Variants in DMD observed in about 807,000 individuals in gnomAD.
DMD encodes the protein dystrophin.
Under a neutral mutation model 330.1 loss-of-function variants are expected in DMD, and 63 were observed. That is an observed-to-expected ratio of 0.19 (90% CI 0.16 to 0.24). DMD has a LOEUF of 0.24. Ranked by LOEUF, DMD falls within the 10% of genes least tolerant of loss-of-function variation. The probability of loss-of-function intolerance (pLI) is 1.00; values close to 1 mark genes in which losing one functional copy is unlikely to be tolerated. For missense variants in DMD, 3,344 were observed against 2,684.1 expected (o/e 1.25, Z -5.43); for synonymous variants, 1,223 against 959.8 (o/e 1.27, Z -5.07).
intron 43 of DMD, among the ~76,000 whole-genome samples, chrX:32,262,470 G>A (rs915619651): frequency 9.0e-6 from 1 of 111,163 alleles, no homozygotes; most frequent in African/African-American, 3.3e-5. Context: ...TTATCAAATT[G>A]TACTATTTAA....
chrX:31,485,503 ATTT>A (rs1208196626), intron 57 of DMD, among the ~76,000 whole-genome samples: 2 of 111,526 alleles, frequency 1.8e-5, no homozygotes, highest in African/African-American at 6.5e-5. Flanking sequence ...GCCACTGATT[ATTT>A]TTTTCTGTCC....
intron 1 of DMD, among the ~76,000 whole-genome samples, chrX:33,076,727 G>A (rs2094847454): frequency 8.9e-6 from 1 of 111,980 alleles, no homozygotes; most frequent in South Asian, 3.7e-4. Flanking sequence ...GAAAATGAAA[G>A]CTTTACTAGG....
rs1466039093 is a variant in DMD at position 31,454,955 on chromosome X, T to C, written c.8938-10328A>G. Among the ~76,000 whole-genome samples the C allele has an allele frequency of 1.9e-4, 19 of 100,022 alleles. No individual in the cohort carries two copies. The East Asian group carries it at 2.7e-3, about 14-fold the overall frequency. The allele number at this position is 100,022 out of a possible 115,157, so 86.9% of individuals were successfully genotyped here. ...TTAAGTTAGTTTTTTCTTTTTCTTT[T>C]TTTTTTTTTTTTTTGCGAGATGGGA... On this transcript the variant is annotated intron_variant, in intron 59 of 78. Coordinates refer to ENST00000357033, the MANE Select transcript of DMD (RefSeq NM_004006.3).
chrX:33,328,127 T>A (rs1415572447), intron 1 of DMD, among the ~76,000 whole-genome samples: 1 of 111,771 alleles, frequency 8.9e-6, no homozygotes. Flanking sequence ...AGAAACTGAA[T>A]ATAATAATAA....
Position 32,706,078 on chromosome X carries a change from G to GA in DMD, c.650-6786dup, listed in dbSNP as rs746945092. ...AGGATGAGTTCATGTCCTTTGTAGG[G>GA]ACATGGATGAAGCTGGAAACCATCA... On this transcript the variant is annotated intron_variant, in intron 7 of 78. Transcript: ENST00000357033. Among the ~76,000 whole-genome samples the GA allele has an allele frequency of 9.6e-3, 1,033 of 107,880 alleles. 9 individuals carry two copies. Among genetic ancestry groups the GA allele is most frequent in the African/African-American group, 0.034 (995 of 29,518 alleles). 93.7% of individuals were successfully genotyped at this position (107,880 alleles called of 115,157 possible). A position where few individuals can be genotyped will look rare whatever the true frequency, so the allele number is the denominator to read the frequency against.
In DMD at chrX:31,178,475, G is replaced by T. The variant is rs186701700; in HGVS notation, c.10223+194C>A. On this transcript the variant is annotated intron_variant, in intron 70 of 78. Coordinates refer to ENST00000357033, the MANE Select transcript of DMD (RefSeq NM_004006.3). ...CCCTGTGAGATAAAGTTTAACTTTTGGAAAAAGAAATTGTCAAGTGACGTG... is the reference window on the plus strand; with the variant it reads ...CCCTGTGAGATAAAGTTTAACTTTTTGAAAAAGAAATTGTCAAGTGACGTG... 2,107 of 883,452 alleles carry T rather than the reference G, an allele frequency of 2.4e-3. 7 individuals carry two copies. Among genetic ancestry groups the T allele is most frequent in the South Asian group, 9.9e-3 (204 of 20,696 alleles). 72.8% of individuals were successfully genotyped at this position (883,452 alleles called of 1,213,427 possible). A position where few individuals can be genotyped will look rare whatever the true frequency, so the allele number is the denominator to read the frequency against.
upstream of DMD, among the ~76,000 whole-genome samples, chrX:33,215,809 C>G (rs1467641254): frequency 9.0e-6 from 1 of 111,671 alleles, no homozygotes; most frequent in East Asian, 2.8e-4. Context: ...TTTTTGTTGA[C>G]TTAGTCAAAG....
chrX:32,535,169 C>T (rs914323577), intron 17 of DMD, among the ~76,000 whole-genome samples: 5 of 111,192 alleles, frequency 4.5e-5, no homozygotes, highest in African/African-American at 9.8e-5. Context: ...TCAGGGGTGA[C>T]GAAATAGATT....
intron 67 of DMD, among the ~76,000 whole-genome samples, chrX:31,192,003 G>A (rs1318341872): frequency 8.9e-6 from 1 of 112,298 alleles, no homozygotes; most frequent in Non-Finnish European, 1.9e-5. Context: ...AAAACTACAA[G>A]GAGAACGGTT....
At chrX:32,502,787 T>G (rs984960721) in intron 18 of DMD, among the ~76,000 whole-genome samples, 1 of 111,272 alleles carries the variant, frequency 9.0e-6, no homozygotes, top group Non-Finnish European at 1.9e-5. Flanking sequence ...CACAGGCATT[T>G]AAAAAAATAT....
chrX:33,096,667 G>C (rs1042871725), intron 1 of DMD, among the ~76,000 whole-genome samples: 3 of 110,910 alleles, frequency 2.7e-5, no homozygotes, highest in Non-Finnish European at 5.7e-5. Flanking sequence ...ACCACACCTG[G>C]CTAATCGTTT....
intron 9 of DMD, among the ~76,000 whole-genome samples, chrX:32,682,244 T>C (rs1282177765): frequency 8.9e-6 from 1 of 111,889 alleles, no homozygotes; most frequent in Non-Finnish European, 1.9e-5. Flanking sequence ...CATTCCATAA[T>C]AGTTACCACT....
At chrX:33,051,741 T>C (rs1391680383) in intron 1 of DMD, among the ~76,000 whole-genome samples, 1 of 102,794 alleles carries the variant, frequency 9.7e-6, no homozygotes, top group African/African-American at 3.7e-5. Context: ...CTCCGCTTCC[T>C]GGGTTCAAGC....
At chrX:32,325,320 T>C (rs1479327431) in intron 41 of DMD, among the ~76,000 whole-genome samples, 1 of 111,422 alleles carries the variant, frequency 9.0e-6, no homozygotes, top group South Asian at 3.7e-4. Flanking sequence ...CTGCAATACA[T>C]TTAAAATAAT....
intron 49 of DMD, among the ~76,000 whole-genome samples, chrX:31,831,855 G>T (rs928211009): frequency 8.9e-6 from 1 of 112,373 alleles, no homozygotes; most frequent in Non-Finnish European, 1.9e-5. Context: ...GCCCACCTTG[G>T]CCTCCCAAAG....
chrX:32,479,416 A>G (rs5972579), intron 21 of DMD, among the ~76,000 whole-genome samples: 5,078 of 110,896 alleles, frequency 0.046, 129 homozygotes, highest in East Asian at 0.14. Context: ...CATTTGATCA[A>G]CACCTTCCCT....
intron 12 of DMD, among the ~76,000 whole-genome samples, chrX:32,599,175 C>T (rs1189596585): frequency 8.9e-6 from 1 of 111,762 alleles, no homozygotes; most frequent in South Asian, 3.7e-4. Flanking sequence ...ACTTCAAATG[C>T]GAAATAAATA....
intron 63 of DMD, among the ~76,000 whole-genome samples, chrX:31,245,902 CCTCT>C (rs1443187714): frequency 9.0e-6 from 1 of 111,083 alleles, no homozygotes; most frequent in East Asian, 2.8e-4. Flanking sequence ...CCTACAATGG[CCTCT>C]AAGTGTTCAA....
At chrX:31,912,456 A>G (rs1318765656) in intron 47 of DMD, among the ~76,000 whole-genome samples, 1 of 111,493 alleles carries the variant, frequency 9.0e-6, no homozygotes, top group Non-Finnish European at 1.9e-5. Context: ...TGCTTCCACA[A>G]CTAGCAGGAT....
Sources: gnomAD v4.1 joint callset for allele counts (sites outside exome capture counted in the v4.1 genomes callset) on GRCh38, gnomAD v4.1.1 for gene constraint, MANE v1.5 for transcripts, NCBI Gene and HGNC (gene_info 2026-07-23, HGNC 2026-07-21) for gene names.